The following MCOLN2 variants were observed in gnomAD, a reference collection of about 807,000 sequenced individuals.
MCOLN2 encodes mucolipin-2.
Under a neutral mutation model 67.5 loss-of-function variants are expected in MCOLN2, and 57 were observed. The ratio of observed to expected loss-of-function variants is 0.84; its 90% CI spans 0.68 to 1.05. The LOEUF is 1.05. MCOLN2 is among the 50% of genes least tolerant of loss of function. The probability of loss-of-function intolerance (pLI) is 0.00; values close to 1 mark genes in which losing one functional copy is unlikely to be tolerated. For synonymous variants in MCOLN2, 246 were observed against 233.3 expected (o/e 1.05, Z -0.50); for missense variants, 620 against 678.8 (o/e 0.91, Z 0.96).
chr1:84,933,276 C>T (rs888714504), intron 11 of MCOLN2, among the ~76,000 whole-genome samples: 1 of 152,142 alleles, frequency 6.6e-6, no homozygotes, highest in Non-Finnish European at 1.5e-5. Flanking sequence ...CTTCCCTGTA[C>T]TCCAACTAGA....
intron 6 of MCOLN2, among the ~76,000 whole-genome samples, chr1:84,949,219 T>C (rs2102830071): frequency 6.6e-6 from 1 of 152,350 alleles, no homozygotes; most frequent in South Asian, 2.1e-4. Context: ...TCTCAAGTCT[T>C]GGGAGAGATA....
rs1355537465 is a variant in MCOLN2, at chr1:84,925,947, T to C, written c.*738A>G. 2 of 152,216 alleles carry C rather than the reference T, an allele frequency of 1.3e-5. No individual in the cohort carries two copies. The highest frequency in any genetic ancestry group is 4.8e-5 in the African/African-American group (2 of 41,312). The allele number at this position is 152,216 out of a possible 1,614,324, so 9.4% of individuals were successfully genotyped here. On this transcript the variant is annotated 3_prime_UTR_variant, in exon 14 of 14. Transcript: ENST00000370608. ...CTCTGTCACCCAGGCTGGAGTGTAGTGGCACGATCATGGCTCATGGCAGCC... is the reference window on the plus strand; with the variant it reads ...CTCTGTCACCCAGGCTGGAGTGTAGCGGCACGATCATGGCTCATGGCAGCC...
chr1:84,944,420 C>G (rs1387848532), intron 7 of MCOLN2, among the ~76,000 whole-genome samples: 2 of 152,008 alleles, frequency 1.3e-5, no homozygotes, highest in African/African-American at 2.4e-5. Flanking sequence ...GTAGTCCCAG[C>G]TACTTGAGAG....
chr1:84,958,202 A>C (rs1648892738), intron 3 of MCOLN2, among the ~76,000 whole-genome samples: 1 of 152,210 alleles, frequency 6.6e-6, no homozygotes, highest in Non-Finnish European at 1.5e-5. Flanking sequence ...TCACTACGCC[A>C]GGCTGGAATC....
intron 1 of MCOLN2, among the ~76,000 whole-genome samples, chr1:84,973,593 G>A (rs1649851598): frequency 6.6e-6 from 1 of 152,118 alleles, no homozygotes; most frequent in Admixed American, 6.5e-5. Flanking sequence ...TACCCCCATT[G>A]ATTTTCAGCA....
rs148108587 is a variant in MCOLN2 at position 84,965,692 on chromosome 1, G to A, written c.94C>T (p.Arg32Cys). ...RLTVRNAMAH[R>C]DSEMKEECLR... ...CATTCTTCTTTCATCTCAGAATCAC[G>A]ATGTGCCATTGCATTTCTGCCACAG... The change falls in exon 2 of 14, where the codon CGT (arginine) becomes TGT (cysteine). Residue 32 changes from arginine (R) to cysteine (C), a missense_variant. Arg to Cys is a radical substitution (Grantham distance 180). Coordinates refer to ENST00000370608, the MANE Select transcript of MCOLN2 (RefSeq NM_153259.4). 48 of 1,612,870 alleles carry A rather than the reference G, an allele frequency of 3.0e-5. No homozygotes were observed. In the African/African-American group the frequency reaches 3.2e-4, roughly 11 times the overall value.
At chr1:84,996,697 A>C in intron 1 of MCOLN2, 99 bp downstream of exon 1, 1 of 1,076,624 alleles carries the variant, frequency 9.3e-7, no homozygotes, top group Non-Finnish European at 1.4e-6. Flanking sequence ...AAGCATTCCC[A>C]AGGCAGCAAG....
chr1:84,957,181 C>G (rs1250456942), intron 3 of MCOLN2, among the ~76,000 whole-genome samples: 3 of 152,160 alleles, frequency 2.0e-5, no homozygotes, highest in African/African-American at 7.2e-5. Context: ...AAACATCCAT[C>G]ACTGCACCCA....
chr1:84,926,790 A>G (rs1441200907), intron 13 of MCOLN2, 69 bp from the exon 14 acceptor site: 17 of 1,225,948 alleles, frequency 1.4e-5, no homozygotes, highest in Non-Finnish European at 1.8e-5. Context: ...GAGCAATAGG[A>G]ATACTCTATA....
intron 1 of MCOLN2, among the ~76,000 whole-genome samples, chr1:84,993,661 T>C (rs1359671139): frequency 2.1e-5 from 3 of 145,912 alleles, no homozygotes; most frequent in African/African-American, 7.6e-5. Flanking sequence ...TCTCGCTCTG[T>C]CGCCCAGGCC....
At chr1:84,954,335 C>A (rs1277375198) in intron 4 of MCOLN2, among the ~76,000 whole-genome samples, 1 of 152,198 alleles carries the variant, frequency 6.6e-6, no homozygotes, top group Admixed American at 6.5e-5. Flanking sequence ...GTTTTCCTGA[C>A]TAGACCTTAA....
chr1:84,996,873 G>A lies in MCOLN2; in HGVS notation c.-1C>T, dbSNP rs747796397. ...GAAAACGATAAGGCTGCCGGGCCAT[G>A]CCTCCTCCTTCAAAACTTTCCAGGG... On this transcript the variant is annotated 5_prime_UTR_variant, in exon 1 of 14. Transcript: ENST00000370608. 6.2e-7 allele frequency: 1 copy of A among 1,613,938 alleles called. No individual in the cohort carries two copies. The highest frequency in any genetic ancestry group is 1.7e-5 in the Admixed American group (1 of 60,022).
chr1:84,953,155 TG>T (rs1648590142), intron 4 of MCOLN2, among the ~76,000 whole-genome samples: 1 of 152,166 alleles, frequency 6.6e-6, no homozygotes, highest in Non-Finnish European at 1.5e-5. Context: ...GTTCTTGTTT[TG>T]GGGAAATGCA....
chr1:84,988,398 A>G (rs1476793893), intron 1 of MCOLN2, among the ~76,000 whole-genome samples: 1 of 152,082 alleles, frequency 6.6e-6, no homozygotes, highest in African/African-American at 2.4e-5. Flanking sequence ...CTCAGCCCCA[A>G]GACATTCTGA....
chr1:84,931,399 A>G lies in MCOLN2; in HGVS notation c.1505T>C (p.Phe502Ser). Residue 502 changes from phenylalanine to serine, a missense_variant, in exon 12 of 14, where the codon TTT becomes TCT. By Grantham distance (155) the Phe-to-Ser change is radical. Transcript: ENST00000370608. Reference protein sequence around the residue: ...SLFIYMILSLFIALITDSYDT... With the variant: ...SLFIYMILSLSIALITDSYDT... ...ATAAGAATCTGTAATAAGTGCAATA[A>G]AAAGACTGAGAATCATATATATAAA... 1 of 1,597,704 alleles carries G rather than the reference A, an allele frequency of 6.3e-7. No homozygotes were observed. Among genetic ancestry groups the G allele is most frequent in the Non-Finnish European group, 8.6e-7 (1 of 1,165,332 alleles).
intron 7 of MCOLN2, among the ~76,000 whole-genome samples, chr1:84,942,579 A>C (rs1262625302): frequency 6.9e-6 from 1 of 145,942 alleles, no homozygotes; most frequent in African/African-American, 2.4e-5. Flanking sequence ...TTTATCATTA[A>C]GTGTCCATCT....
At chr1:84,987,293 C>A (rs1343640224) in intron 1 of MCOLN2, among the ~76,000 whole-genome samples, 1 of 139,740 alleles carries the variant, frequency 7.2e-6, no homozygotes, top group African/African-American at 2.7e-5. Context: ...ATACATATGC[C>A]ATGTAGATAC....
intron 11 of MCOLN2, among the ~76,000 whole-genome samples, chr1:84,936,798 G>A (rs1294356819): frequency 6.6e-6 from 1 of 152,170 alleles, no homozygotes; most frequent in Non-Finnish European, 1.5e-5. Flanking sequence ...TCACAGATTT[G>A]GTTAATGCAA....
intron 8 of MCOLN2, among the ~76,000 whole-genome samples, chr1:84,940,275 C>A (rs1647684469): frequency 6.6e-6 from 1 of 152,210 alleles, no homozygotes; most frequent in African/African-American, 2.4e-5. Flanking sequence ...TACGTCCCTG[C>A]TCCACAAATG....
Sources: gnomAD v4.1 joint callset for allele counts (sites outside exome capture counted in the v4.1 genomes callset) on GRCh38, gnomAD v4.1.1 for gene constraint, MANE v1.5 for transcripts, NCBI Gene and HGNC (gene_info 2026-07-23, HGNC 2026-07-21) for gene names.